The following SLC22A3 variants were observed in gnomAD, a reference collection of about 807,000 sequenced individuals.
SLC22A3 encodes the protein solute carrier family 22 member 3, also known as EMT organic cation transporter 3.
SLC22A3 carries 51 observed loss-of-function variants against 59.1 expected under a neutral mutation model. The ratio of observed to expected loss-of-function variants is 0.86; its 90% CI spans 0.69 to 1.09. SLC22A3 has a LOEUF of 1.09. Among genes scored for constraint, SLC22A3 ranks in the 50% least tolerant of loss-of-function variants. SLC22A3 has a pLI of 0.00. For synonymous variants in SLC22A3, 325 were observed against 292.0 expected (o/e 1.11, Z -1.15); for missense variants, 711 against 726.3 (o/e 0.98, Z 0.24).
chr6:160,410,618 C>A (rs1787207575), intron 4 of SLC22A3, 111 bp from the exon 5 acceptor site: 6 of 758,158 alleles, frequency 7.9e-6, no homozygotes, highest in Non-Finnish European at 1.5e-5. Context: ...CTTATTGACT[C>A]CTAAATGTAT....
intron 2 of SLC22A3, among the ~76,000 whole-genome samples, chr6:160,400,574 G>T (rs1208958016): frequency 6.6e-6 from 1 of 151,802 alleles, no homozygotes; most frequent in Admixed American, 6.6e-5. Context: ...CATTACTAAA[G>T]GTCTATTTAT....
intron 1 of SLC22A3, among the ~76,000 whole-genome samples, chr6:160,363,279 G>A (rs1290730159): frequency 6.6e-6 from 1 of 152,218 alleles, no homozygotes; most frequent in East Asian, 1.9e-4. Flanking sequence ...CCCCTGCTGG[G>A]CCTAGTCTCG....
chr6:160,363,426 G>C lies in SLC22A3; in HGVS notation c.429+14578G>C, dbSNP rs183923704. On this transcript the variant is annotated intron_variant, in intron 1 of 10. Transcript: ENST00000275300. Reference sequence around the variant, plus strand: ...CTTTGGGGGCTAGAGCTTCTCCCAGGTGCAGGCAGCCTGTTCACAAGAGCG... The same window carrying C: ...CTTTGGGGGCTAGAGCTTCTCCCAGCTGCAGGCAGCCTGTTCACAAGAGCG... Among the ~76,000 whole-genome samples, 490 of 152,234 alleles carry C rather than the reference G, an allele frequency of 3.2e-3. 2 individuals are homozygous for C. Among genetic ancestry groups the C allele is most frequent in the African/African-American group, 0.011 (468 of 41,578 alleles).
chr6:160,365,847 G>A (rs966829657), intron 1 of SLC22A3, among the ~76,000 whole-genome samples: 1 of 152,162 alleles, frequency 6.6e-6, no homozygotes, highest in South Asian at 2.1e-4. Context: ...CACGGTGGAA[G>A]GGGAGGTAAA....
chr6:160,442,154 T>C (rs1562503527), intron 7 of SLC22A3, among the ~76,000 whole-genome samples: 3 of 152,172 alleles, frequency 2.0e-5, no homozygotes, highest in East Asian at 1.9e-4. Context: ...GGATGGTTTA[T>C]TGAAGGAAGT....
Position 160,438,454 on chromosome 6 carries a change from A to C in SLC22A3, c.1288+1243A>C, listed in dbSNP as rs559155686. The stretch of plus-strand genomic sequence containing the variant: ...CTGAGGACCAGCCAAGAAATGGACA[A>C]TATAGTGGGAGTCAGAACAGTCAGA... On this transcript the variant is annotated intron_variant, in intron 7 of 10. Coordinates refer to ENST00000275300, the MANE Select transcript of SLC22A3 (RefSeq NM_021977.4). 4.6e-5 allele frequency among the ~76,000 whole-genome samples: 7 copies of C among 152,308 alleles called. 1 individual carries two copies. Among genetic ancestry groups the C allele is most frequent in the African/African-American group, 1.7e-4 (7 of 41,558 alleles).
chr6:160,450,124 G>A (rs1788894168), intron 10 of SLC22A3, among the ~76,000 whole-genome samples: 1 of 152,180 alleles, frequency 6.6e-6, no homozygotes, highest in Admixed American at 6.5e-5. Flanking sequence ...TACCAGGGCG[G>A]GGTTTCCCAA....
chr6:160,418,091 G>A lies in SLC22A3; in HGVS notation c.975+7245G>A, dbSNP rs577419374. Among the ~76,000 whole-genome samples the A allele has an allele frequency of 5.3e-5, 8 of 152,324 alleles. No homozygotes were observed. The South Asian group carries it at 6.2e-4, about 12-fold the overall frequency. On this transcript the variant is annotated intron_variant, in intron 5 of 10. Coordinates refer to ENST00000275300, the MANE Select transcript of SLC22A3 (RefSeq NM_021977.4). Reference sequence around the variant, plus strand: ...AGCTGGGAAAGTATTGTTTCTGGGCGTGTCTAGGAGGGTGTTGCCAGAGGA... The same window carrying A: ...AGCTGGGAAAGTATTGTTTCTGGGCATGTCTAGGAGGGTGTTGCCAGAGGA...
At chr6:160,422,174 G>C (rs1787765907) in intron 5 of SLC22A3, among the ~76,000 whole-genome samples, 1 of 152,140 alleles carries the variant, frequency 6.6e-6, no homozygotes, top group Non-Finnish European at 1.5e-5. Context: ...AGAGAGATGT[G>C]GCTTGAGGAG....
rs756818415 is a variant in SLC22A3, at chr6:160,437,217, C to T, written c.1288+6C>T. On this transcript the variant is annotated splice_donor_region_variant and intron_variant, in intron 7 of 10. Coordinates refer to ENST00000275300, the MANE Select transcript of SLC22A3 (RefSeq NM_021977.4). ...CACTGCGTTCTTACCAGAAGGTAATCTTACCCCACATCTGTTTGGCAGCCA... is the reference window on the plus strand; with the variant it reads ...CACTGCGTTCTTACCAGAAGGTAATTTTACCCCACATCTGTTTGGCAGCCA... 3.1e-6 allele frequency: 5 copies of T among 1,613,740 alleles called. No homozygotes were observed. Among genetic ancestry groups the T allele is most frequent in the Non-Finnish European group, 3.4e-6 (4 of 1,179,808 alleles).
chr6:160,369,651 C>T (rs1785329536), intron 1 of SLC22A3, among the ~76,000 whole-genome samples: 1 of 152,148 alleles, frequency 6.6e-6, no homozygotes, highest in Non-Finnish European at 1.5e-5. Flanking sequence ...ACAAATATAA[C>T]ACATGTACCC....
intron 1 of SLC22A3, among the ~76,000 whole-genome samples, chr6:160,365,152 G>A (rs1785162635): frequency 6.6e-6 from 1 of 152,012 alleles, no homozygotes; most frequent in South Asian, 2.1e-4. Context: ...AAAATTTCTA[G>A]TCACAAGACA....
At chr6:160,410,198 A>G (rs575075789) in intron 4 of SLC22A3, among the ~76,000 whole-genome samples, 231 of 152,018 alleles carry the variant, frequency 1.5e-3, no homozygotes, top group African/African-American at 5.4e-3. Flanking sequence ...TGTATTTTTA[A>G]TAGAGACAGA....
chr6:160,351,313 C>T (rs1583434588), intron 1 of SLC22A3, among the ~76,000 whole-genome samples: 2 of 152,146 alleles, frequency 1.3e-5, no homozygotes, highest in South Asian at 4.1e-4. Context: ...GGCGGGGTTT[C>T]ACTGTGTTAG....
chr6:160,447,227 G>C (rs1160716472), intron 9 of SLC22A3, among the ~76,000 whole-genome samples: 1 of 152,178 alleles, frequency 6.6e-6, no homozygotes, highest in African/African-American at 2.4e-5. Context: ...CTGGAGGAAG[G>C]GTTGATCCCT....
chr6:160,436,982 T>G lies in SLC22A3; in HGVS notation c.1074-15T>G. The G allele has an allele frequency of 1.2e-6, 2 of 1,614,164 alleles. No homozygotes were observed. The highest frequency in any genetic ancestry group is 2.2e-5 in the South Asian group (2 of 91,084). Reference sequence around the variant, plus strand: ...TCTCTTACTTGTTCTCTGGTGTCTTTCAATGTTGCTACAGGTTCACAAGCG... The same window carrying G: ...TCTCTTACTTGTTCTCTGGTGTCTTGCAATGTTGCTACAGGTTCACAAGCG... On this transcript the variant is annotated splice_polypyrimidine_tract_variant and intron_variant, in intron 6 of 10. Coordinates refer to ENST00000275300, the MANE Select transcript of SLC22A3 (RefSeq NM_021977.4).
chr6:160,382,959 G>T (rs1052667589), intron 1 of SLC22A3, among the ~76,000 whole-genome samples: 1 of 152,106 alleles, frequency 6.6e-6, no homozygotes, highest in East Asian at 1.9e-4. Context: ...GCAAGAATAA[G>T]TGAAATTGAC....
Position 160,451,139 on chromosome 6 carries a change from G to A in SLC22A3, c.*83G>A. On this transcript the variant is annotated 3_prime_UTR_variant, in exon 11 of 11. Coordinates refer to ENST00000275300, the MANE Select transcript of SLC22A3 (RefSeq NM_021977.4). ...CTGTGCCTTGCAGAGATGCACGTGTGCATTTCAGCTACATCATGCCGCGCT... is the reference window on the plus strand; with the variant it reads ...CTGTGCCTTGCAGAGATGCACGTGTACATTTCAGCTACATCATGCCGCGCT... 1 of 1,271,086 alleles carries A rather than the reference G, an allele frequency of 7.9e-7. No individual in the cohort carries two copies. The highest frequency in any genetic ancestry group is 1.9e-5 in the Admixed American group (1 of 52,342). The allele number at this position is 1,271,086 out of a possible 1,614,324, so 78.7% of individuals were successfully genotyped here.
Position 160,410,790 on chromosome 6 carries a change from A to G in SLC22A3, c.919A>G (p.Ile307Val), listed in dbSNP as rs1334227392. ...TRKKGDKALQ[I>V]LRRIAKCNGK... ...GAAGAAAGGAGATAAAGCATTACAGATCCTGAGACGCATTGCTAAGTGCAA... is the reference window on the plus strand; with the variant it reads ...GAAGAAAGGAGATAAAGCATTACAGGTCCTGAGACGCATTGCTAAGTGCAA... Residue 307 changes from isoleucine to valine, a missense_variant, in exon 5 of 11, where the codon ATC becomes GTC. Ile to Val is a conservative substitution (Grantham distance 29). Coordinates refer to ENST00000275300, the MANE Select transcript of SLC22A3 (RefSeq NM_021977.4). 1 of 1,613,256 alleles carries G rather than the reference A, an allele frequency of 6.2e-7. No individual in the cohort carries two copies. The highest frequency in any genetic ancestry group is 1.3e-5 in the African/African-American group (1 of 74,852).
Sources: gnomAD v4.1 joint callset for allele counts (sites outside exome capture counted in the v4.1 genomes callset) on GRCh38, gnomAD v4.1.1 for gene constraint, MANE v1.5 for transcripts, NCBI Gene and HGNC (gene_info 2026-07-23, HGNC 2026-07-21) for gene names.